The following ST6GALNAC1 variants were observed in gnomAD, a reference collection of about 807,000 sequenced individuals.
ST6GALNAC1 encodes ST6 N-acetylgalactosaminide alpha-2,6-sialyltransferase 1.
In ST6GALNAC1, 45 loss-of-function variants were observed where a neutral mutation model predicts 56.8. The ratio of observed to expected loss-of-function variants is 0.79; its 90% confidence interval spans 0.62 to 1.02. ST6GALNAC1 has a LOEUF of 1.02. ST6GALNAC1 is among the 50% of genes least tolerant of loss of function. The pLI, the probability that ST6GALNAC1 is intolerant of heterozygous loss-of-function variation, is 0.00. For missense variants in ST6GALNAC1, 743 were observed against 754.8 expected (o/e 0.98, Z 0.18); for synonymous variants, 295 against 297.8 (o/e 0.99, Z 0.10).
rs750669516 is a variant in ST6GALNAC1 at position 76,629,097 on chromosome 17, T to C, written c.746A>G (p.Gln249Arg). Residue 249 changes from glutamine to arginine, a missense_variant, in exon 2 of 9, where the codon CAA (glutamine) becomes CGA (arginine). Coordinates refer to ENST00000156626, the MANE Select transcript of ST6GALNAC1 (RefSeq NM_018414.5). ...PFQSPTTQRN[Q>R]RLKAANFKSE... ...TTTGAAGTTGGCGGCCTTCAGTCTT[T>C]GGTTTCTCTGCGTCGTGGGGCTCTG... 1.3e-6 allele frequency: 2 copies of C among 1,595,258 alleles called. No individual in the cohort carries two copies. The highest frequency in any genetic ancestry group is 3.5e-5 in the Admixed American group (2 of 56,422).
intron 1 of ST6GALNAC1, among the ~76,000 whole-genome samples, chr17:76,633,061 T>C (rs952018640): frequency 2.0e-5 from 3 of 147,910 alleles, no homozygotes; most frequent in Non-Finnish European, 4.5e-5. Flanking sequence ...CAAAAAAAAT[T>C]AGTTTGGTGT....
At position 76,627,328 on chromosome 17, in the gene ST6GALNAC1, G is replaced by A; in HGVS notation, c.1000+87C>T. 6.3e-7 allele frequency: 1 copy of A among 1,576,766 alleles called. No individual in the cohort carries two copies. Among genetic ancestry groups the A allele is most frequent in the Non-Finnish European group, 8.6e-7 (1 of 1,160,576 alleles). On this transcript the variant is annotated intron_variant, in intron 3 of 8. Coordinates refer to ENST00000156626, the MANE Select transcript of ST6GALNAC1 (RefSeq NM_018414.5). The surrounding 1 kb of genome is among the most constrained non-coding windows in gnomAD (Gnocchi z 4.4). ...CCTCCCAGGTCTGGCAAACCCCAGG[G>A]AAGAGGCAGACCAGAAAGCCAGCTG... is the stretch of plus-strand genomic sequence containing the variant.
the ST6GALNAC1 span, among the ~76,000 whole-genome samples, chr17:76,619,081 T>C: frequency 1.3e-5 from 2 of 152,248 alleles, no homozygotes; most frequent in Admixed American, 1.3e-4. Flanking sequence ...TCATCTTGTA[T>C]TGAGCCAGTG....
rs199592571 is a variant in ST6GALNAC1, at chr17:76,627,382, G to T, written c.1000+33C>A. On this transcript the variant is annotated intron_variant, in intron 3 of 8. Transcript: ENST00000156626. This position sits in a 1 kb window ranked among gnomAD's most constrained non-coding sequence, Gnocchi z 4.4. ...TCTGCCCTCTGCCCCGGCCTACTGC[G>T]CACCCACACCTTCCCCTGGGTTAAG... is the stretch of plus-strand genomic sequence containing the variant. 2 of 1,611,744 alleles carry T rather than the reference G, an allele frequency of 1.2e-6. No homozygotes were observed. The highest frequency in any genetic ancestry group is 2.2e-5 in the South Asian group (2 of 90,890).
intron 1 of ST6GALNAC1, among the ~76,000 whole-genome samples, chr17:76,630,438 A>C (rs905713585): frequency 6.6e-6 from 1 of 152,104 alleles, no homozygotes; most frequent in Non-Finnish European, 1.5e-5. Context: ...GCCTCAAAGC[A>C]ACACATTTAT....
chr17:76,635,315 G>A (rs770155968), intron 1 of ST6GALNAC1, among the ~76,000 whole-genome samples: 19 of 152,230 alleles, frequency 1.2e-4, no homozygotes, highest in Non-Finnish European at 1.5e-4. Context: ...GATGCCCTTC[G>A]CCTAGCTGAA....
At chr17:76,623,365 T>C (rs1050757308), downstream of ST6GALNAC1, among the ~76,000 whole-genome samples, 3 of 152,236 alleles carry the variant, frequency 2.0e-5, no homozygotes, top group South Asian at 2.1e-4. Context: ...TCCGTATGAA[T>C]GTGTGTATCA....
chr17:76,633,237 G>T (rs1347187474), intron 1 of ST6GALNAC1, among the ~76,000 whole-genome samples: 2 of 152,000 alleles, frequency 1.3e-5, no homozygotes, highest in African/African-American at 2.4e-5. Flanking sequence ...ATGGCCAGGC[G>T]TGGTGGCTCA....
chr17:76,636,791 C>G lies in ST6GALNAC1; in HGVS notation c.131+6717G>C, dbSNP rs376717919. ...GGTGTACCCAACAGCTCATTGAGAA[C>G]GGGCCATGATGACGATGGCGGTTTT... On this transcript the variant is annotated intron_variant, in intron 1 of 8. Transcript: ENST00000156626. Among the ~76,000 whole-genome samples, 181 of 152,138 alleles carry G rather than the reference C, an allele frequency of 1.2e-3. 1 individual carries two copies. Among genetic ancestry groups the G allele is most frequent in the African/African-American group, 4.0e-3 (168 of 41,494 alleles).
At chr17:76,638,640 G>T (rs1212232371) in intron 1 of ST6GALNAC1, among the ~76,000 whole-genome samples, 2 of 152,088 alleles carry the variant, frequency 1.3e-5, no homozygotes, top group Non-Finnish European at 2.9e-5. Flanking sequence ...GAGTACTGTG[G>T]CATGCTCTCG....
intron 6 of ST6GALNAC1, 45 bp downstream of exon 6, chr17:76,626,244 A>C: frequency 6.3e-7 from 1 of 1,594,634 alleles, no homozygotes; most frequent in African/African-American, 1.3e-5. Flanking sequence ...CACTCATGAC[A>C]TGGCTCAGCC....
chr17:76,636,933 C>G (rs2075982711), intron 1 of ST6GALNAC1, among the ~76,000 whole-genome samples: 1 of 152,132 alleles, frequency 6.6e-6, no homozygotes, highest in Non-Finnish European at 1.5e-5. Context: ...AAGAAAAATT[C>G]TTCTGCCTTG....
chr17:76,628,144 A>G (rs1461052939), intron 2 of ST6GALNAC1, among the ~76,000 whole-genome samples: 7 of 148,834 alleles, frequency 4.7e-5, no homozygotes, highest in African/African-American at 1.7e-4. Context: ...TAAGTGTGAG[A>G]GGGGCCGCAT....
intron 1 of ST6GALNAC1, chr17:76,633,590 T>C (rs1241750171): frequency 6.6e-6 from 1 of 152,204 alleles, no homozygotes; most frequent in Non-Finnish European, 1.5e-5. Context: ...AGGAAAATAG[T>C]TATCTGGCAA....
At position 76,627,852 on chromosome 17, in the gene ST6GALNAC1, CTT is replaced by C. The variant is rs552555126; in HGVS notation, c.832-271_832-270del. ...GTGGCTCACGCCTGTAATCCTAGCA[CTT>C]TGGGAGGCCGAGGCGGGTGGATCAC... On this transcript the variant is annotated intron_variant, in intron 2 of 8. Coordinates refer to ENST00000156626, the MANE Select transcript of ST6GALNAC1 (RefSeq NM_018414.5). The surrounding 1 kb of genome is among the most constrained non-coding windows in gnomAD (Gnocchi z 4.4). 7.4e-3 allele frequency among the ~76,000 whole-genome samples: 1,133 copies of C among 152,178 alleles called. 12 individuals are homozygous for C. Among genetic ancestry groups the C allele is most frequent in the Non-Finnish European group, 0.012 (840 of 68,010 alleles).
intron 8 of ST6GALNAC1, 109 bp downstream of exon 8, chr17:76,625,709 TC>T (rs898383770): frequency 1.3e-4 from 159 of 1,184,114 alleles, no homozygotes; most frequent in African/African-American, 1.3e-3. Context: ...CCACCCTCTT[TC>T]CCAGCAGATG....
intron 1 of ST6GALNAC1, among the ~76,000 whole-genome samples, chr17:76,635,786 A>G (rs1015644866): frequency 1.4e-4 from 21 of 152,350 alleles, no homozygotes; most frequent in South Asian, 1.2e-3. Flanking sequence ...TATCTGCTAG[A>G]GATTAAAGAT....
downstream of ST6GALNAC1, among the ~76,000 whole-genome samples, chr17:76,621,600 C>G (rs1179750606): frequency 6.6e-6 from 1 of 152,118 alleles, no homozygotes; most frequent in South Asian, 2.1e-4. Context: ...CTCAGCCTCC[C>G]AAGTAGCTGG....
rs369261741 is a variant in ST6GALNAC1 at position 76,627,074 on chromosome 17, C to T, written c.1165G>A (p.Val389Met). 49 of 1,548,706 alleles carry T rather than the reference C, an allele frequency of 3.2e-5. No homozygotes were observed. Among genetic ancestry groups the T allele is most frequent in the South Asian group, 1.6e-4 (13 of 79,062 alleles). Residue 389 changes from valine (V) to methionine (M), a missense_variant, in exon 4 of 9, where the codon GTG (valine) becomes ATG (methionine). Coordinates refer to ENST00000156626, the MANE Select transcript of ST6GALNAC1 (RefSeq NM_018414.5). This position sits in a 1 kb window ranked among gnomAD's most constrained non-coding sequence, Gnocchi z 4.4. The stretch of plus-strand genomic sequence containing the variant: ...TGGGTGGGGACAGCTTACCGGAACA[C>T]GTAGTCGTGACTGTCTATCTCCTGG... The part of the protein sequence containing the change: ...MGQEIDSHDY[V>M]FRLSGALIKG...
Sources: allele counts gnomAD v4.1 joint callset (sites outside exome capture counted in the v4.1 genomes callset), GRCh38; gene constraint gnomAD v4.1.1; non-coding constraint Gnocchi (gnomAD v3.1); transcripts MANE v1.5; gene names NCBI Gene and HGNC (gene_info 2026-07-23, HGNC 2026-07-21).